Variants in THOC7 observed in about 807,000 individuals in gnomAD.
THOC7 encodes THO complex subunit 7.
A neutral mutation model predicts 33.1 loss-of-function variants in THOC7; 22 were observed. The ratio of observed to expected loss-of-function variants is 0.66; its 90% CI spans 0.47 to 0.95. The LOEUF is 0.95. Among genes scored for constraint, THOC7 ranks in the 40% least tolerant of loss-of-function variants. The pLI is 0.00. For missense variants in THOC7, 184 were observed against 245.3 expected (o/e 0.75, Z 1.67); for synonymous variants, 77 against 76.8 (o/e 1.00, Z -0.01).
intron 1 of THOC7, chr3:63,845,195 T>C (rs1701862652): frequency 2.1e-6 from 1 of 483,852 alleles, no homozygotes; most frequent in African/African-American, 1.9e-5. Flanking sequence ...TTAAGCTCGC[T>C]GATATCTTTG....
intron 1 of THOC7, among the ~76,000 whole-genome samples, chr3:63,853,639 T>G (rs1327766965): frequency 1.3e-5 from 2 of 152,266 alleles, no homozygotes; most frequent in Admixed American, 6.5e-5. Context: ...CCGGGCACTA[T>G]GGCTCACGCC....
chr3:63,846,984 C>T (rs1286947831), intron 1 of THOC7, among the ~76,000 whole-genome samples: 1 of 152,082 alleles, frequency 6.6e-6, no homozygotes, highest in African/African-American at 2.4e-5. Context: ...GGGTGCTTCC[C>T]CAAATAAGCA....
intron 1 of THOC7, among the ~76,000 whole-genome samples, chr3:63,852,774 G>C (rs1702042228): frequency 1.3e-5 from 2 of 152,210 alleles, no homozygotes; most frequent in South Asian, 4.1e-4. Flanking sequence ...GAAAAGCCCA[G>C]AGGCAGGGAG....
chr3:63,846,026 A>G (rs1423933435), intron 1 of THOC7: 1 of 208,262 alleles, frequency 4.8e-6, no homozygotes, highest in Non-Finnish European at 1.0e-5. Context: ...TCAAAGAGAC[A>G]GTCCTCTAAA....
chr3:63,834,999 G>T (rs1285662397), intron 7 of THOC7, among the ~76,000 whole-genome samples, 155 bp downstream of exon 7: 4 of 152,110 alleles, frequency 2.6e-5, no homozygotes, highest in African/African-American at 9.7e-5. Flanking sequence ...ATGTATTCAA[G>T]AAAGTTGAAC....
chr3:63,863,483 C>T, intron 1 of THOC7: 1 of 1,170,524 alleles, frequency 8.5e-7, no homozygotes, highest in Non-Finnish European at 1.1e-6. Flanking sequence ...TCCCAGCCCA[C>T]CGACCACGCT....
chr3:63,860,348 C>G (rs550008283), intron 1 of THOC7, among the ~76,000 whole-genome samples: 1 of 152,198 alleles, frequency 6.6e-6, no homozygotes, highest in Admixed American at 6.5e-5. Flanking sequence ...CACACCCAGC[C>G]TCTACTGGCT....
chr3:63,839,587 A>G lies in THOC7; in HGVS notation c.137+69T>C, dbSNP rs555664821. On this transcript the variant is annotated intron_variant, in intron 2 of 7. Coordinates refer to ENST00000295899, the MANE Select transcript of THOC7 (RefSeq NM_025075.4). ...GTGAGTGAAAATTTGATCTACTCAC[A>G]GGACCTTAATATAGGGCCTAAAATC... is the stretch of plus-strand genomic sequence containing the variant. 25 of 1,306,688 alleles carry G rather than the reference A, an allele frequency of 1.9e-5. No homozygotes were observed. The East Asian group carries it at 5.3e-4, about 28-fold the overall frequency. The allele number at this position is 1,306,688 out of a possible 1,614,324, so 80.9% of individuals were successfully genotyped here.
At chr3:63,842,530 G>A (rs1035248374) in intron 1 of THOC7, among the ~76,000 whole-genome samples, 5 of 152,164 alleles carry the variant, frequency 3.3e-5, no homozygotes, top group African/African-American at 1.2e-4. Flanking sequence ...AAAAAGGAAT[G>A]AAATAGTGTC....
intron 1 of THOC7, chr3:63,861,524 C>T (rs943439228): frequency 6.6e-6 from 1 of 152,214 alleles, no homozygotes; most frequent in African/African-American, 2.4e-5. Context: ...ACCAGGGCCA[C>T]TGCAGAAGTA....
intron 1 of THOC7, among the ~76,000 whole-genome samples, chr3:63,852,139 A>C (rs1489784823): frequency 1.3e-5 from 2 of 152,214 alleles, no homozygotes; most frequent in Non-Finnish European, 2.9e-5. Flanking sequence ...TAGCATCTAC[A>C]TGACGCTAAT....
chr3:63,862,188 T>C (rs1300565378), intron 1 of THOC7, among the ~76,000 whole-genome samples: 1 of 152,224 alleles, frequency 6.6e-6, no homozygotes, highest in Non-Finnish European at 1.5e-5. Flanking sequence ...CTCATAACTT[T>C]CTAAATTCTA....
rs780863343 is a variant in THOC7, at chr3:63,834,087, T to C, written c.*45A>G. On this transcript the variant is annotated 3_prime_UTR_variant, in exon 8 of 8. Coordinates refer to ENST00000295899, the MANE Select transcript of THOC7 (RefSeq NM_025075.4). The stretch of plus-strand genomic sequence containing the variant: ...CCACATTTTAAACACATTATGGTCA[T>C]GTAGCTATTTCAATATTCCTGGGAG... 3 of 1,591,520 alleles carry C rather than the reference T, an allele frequency of 1.9e-6. No homozygotes were observed. Among genetic ancestry groups the C allele is most frequent in the East Asian group, 2.2e-5 (1 of 44,720 alleles).
chr3:63,847,711 TG>T (rs34196118), intron 1 of THOC7, among the ~76,000 whole-genome samples: 82,132 of 152,004 alleles, frequency 0.54, 23,418 homozygotes, highest in South Asian at 0.65. Context: ...CACTCCAGTC[TG>T]GGCAACAGAG....
intron 1 of THOC7, chr3:63,863,535 G>A (rs953233586): frequency 5.9e-6 from 7 of 1,194,052 alleles, no homozygotes; most frequent in South Asian, 4.3e-5. Context: ...CGGGAGAGCG[G>A]ACGGGGAAAG....
chr3:63,859,421 G>C (rs1352490935), intron 1 of THOC7, among the ~76,000 whole-genome samples: 2 of 152,186 alleles, frequency 1.3e-5, no homozygotes. Context: ...CCTGTCCCTA[G>C]ATCCAGCCCA....
At chr3:63,851,681 C>T (rs1253256935) in intron 1 of THOC7, among the ~76,000 whole-genome samples, 2 of 152,168 alleles carry the variant, frequency 1.3e-5, no homozygotes, top group Non-Finnish European at 2.9e-5. Context: ...ATTTTTCTAT[C>T]GTTGGCCTCT....
intron 1 of THOC7, among the ~76,000 whole-genome samples, chr3:63,852,185 C>T (rs1455226977): frequency 2.0e-5 from 3 of 152,192 alleles, no homozygotes; most frequent in South Asian, 2.1e-4. Flanking sequence ...GTTCTCTGAC[C>T]TTCCAAGAGA....
intron 6 of THOC7, 32 bp downstream of exon 6, chr3:63,835,292 A>T (rs1211963669): frequency 6.2e-7 from 1 of 1,612,908 alleles, no homozygotes; most frequent in Non-Finnish European, 8.5e-7. Context: ...ACAGATAGAC[A>T]GATCATGAAG....
Sources: gnomAD v4.1 joint callset for allele counts (sites outside exome capture counted in the v4.1 genomes callset) on GRCh38, gnomAD v4.1.1 for gene constraint, MANE v1.5 for transcripts, NCBI Gene and HGNC (gene_info 2026-07-23, HGNC 2026-07-21) for gene names.